DYNC1I1: variants seen among roughly 807,000 people sequenced by gnomAD.
DYNC1I1 encodes the protein cytoplasmic dynein 1 intermediate chain 1.
DYNC1I1 carries 43 observed loss-of-function variants against 86.6 expected under a neutral mutation model. That is an observed-to-expected ratio of 0.50 (90% confidence interval 0.39 to 0.64). The LOEUF (loss-of-function observed/expected upper bound fraction) is 0.64, where lower values mean the gene tolerates loss of function less well. DYNC1I1 is among the 30% of genes least tolerant of loss of function. The pLI is 0.00. For synonymous variants in DYNC1I1, 262 were observed against 283.7 expected, an observed-to-expected ratio of 0.92 and a Z score of 0.77; for missense variants, 604 against 788.8, an observed-to-expected ratio of 0.77 and a Z score of 2.81.
At position 95,948,621 on chromosome 7, in the gene DYNC1I1, A is replaced by C. The variant is rs565374338; in HGVS notation, c.491-28891A>C. On this transcript the variant is annotated intron_variant, in intron 6 of 16. Coordinates refer to ENST00000447467, the MANE Select transcript of DYNC1I1 (RefSeq NM_001135556.2). ...TGCTTCCAGGGCTGTACATAGGTAG[A>C]AATAATATCAAAGCTAACATTTATT... Among the ~76,000 whole-genome samples the C allele has an allele frequency of 5.3e-5, 8 of 152,334 alleles. 2 individuals are homozygous for C. The highest frequency in any genetic ancestry group is 1.9e-4 in the African/African-American group (8 of 41,570).
In DYNC1I1 at chr7:95,815,980, A is replaced by T. The variant is rs193284205; in HGVS notation, c.314+2643A>T. Among the ~76,000 whole-genome samples, 266 of 151,894 alleles carry T rather than the reference A, an allele frequency of 1.8e-3. 5 individuals are homozygous for T. The highest frequency in any genetic ancestry group is 3.4e-3 in the Middle Eastern group (1 of 294). On this transcript the variant is annotated intron_variant, in intron 4 of 16. Coordinates refer to ENST00000447467, the MANE Select transcript of DYNC1I1 (RefSeq NM_001135556.2). ...ATGTACTTTATTATAGAGAAGAAGT[A>T]AAAATAGTGCTTTAACAAAAATCCC...
chr7:95,977,740 A>C, intron 7 of DYNC1I1, 139 bp downstream of exon 7: 1 of 638,606 alleles, frequency 1.6e-6, no homozygotes, highest in South Asian at 3.2e-5. Context: ...TGTTCAATAC[A>C]TTACATTTAG....
chr7:95,824,941 C>CA (rs1282608742), intron 4 of DYNC1I1, among the ~76,000 whole-genome samples: 1 of 152,200 alleles, frequency 6.6e-6, no homozygotes, highest in African/African-American at 2.4e-5. Context: ...AAGTTCCTTT[C>CA]AAAAAATTTG....
chr7:95,983,945 G>A (rs1013238038), intron 7 of DYNC1I1, among the ~76,000 whole-genome samples: 10 of 152,170 alleles, frequency 6.6e-5, no homozygotes, highest in African/African-American at 2.2e-4. Context: ...TCAGCTGACA[G>A]TTTCTGCCCT....
chr7:96,023,333 A>T (rs1794598707), intron 10 of DYNC1I1, among the ~76,000 whole-genome samples: 1 of 152,214 alleles, frequency 6.6e-6, no homozygotes, highest in Admixed American at 6.5e-5. Flanking sequence ...CCACCCAGGC[A>T]TGATGGCTGG....
chr7:95,977,465 G>T, intron 6 of DYNC1I1, 47 bp from the exon 7 acceptor site: 1 of 1,582,024 alleles, frequency 6.3e-7, no homozygotes, highest in South Asian at 1.2e-5. Flanking sequence ...CAAAGACTTT[G>T]ATTTGGAGGA....
At chr7:95,993,883 G>A (rs888520109) in intron 9 of DYNC1I1, among the ~76,000 whole-genome samples, 3 of 152,042 alleles carry the variant, frequency 2.0e-5, no homozygotes, top group African/African-American at 4.8e-5. Flanking sequence ...AGAGTGATAC[G>A]GTCTGCCATA....
intron 6 of DYNC1I1, among the ~76,000 whole-genome samples, chr7:95,948,099 G>A (rs1792454744): frequency 6.6e-6 from 1 of 150,676 alleles, no homozygotes; most frequent in Non-Finnish European, 1.5e-5. Flanking sequence ...TAAGAATTTA[G>A]CAGAGGAAGG....
chr7:95,874,442 G>T (rs150108660), intron 6 of DYNC1I1, among the ~76,000 whole-genome samples: 1 of 151,752 alleles, frequency 6.6e-6, no homozygotes, highest in African/African-American at 2.4e-5. Context: ...ATTGACAAAA[G>T]AAAAAAAAGC....
intron 3 of DYNC1I1, 137 bp from the exon 4 acceptor site, chr7:95,813,110 T>TTTTA: frequency 2.1e-6 from 3 of 1,417,206 alleles, no homozygotes; most frequent in South Asian, 1.4e-5. Context: ...TTTTTTTTCT[T>TTTTA]TATCCCATCT....
chr7:95,886,093 C>G (rs1329126081), intron 6 of DYNC1I1, among the ~76,000 whole-genome samples: 1 of 152,086 alleles, frequency 6.6e-6, no homozygotes, highest in African/African-American at 2.4e-5. Context: ...CCTCTACAGT[C>G]TTCACTTCTA....
chr7:96,013,807 C>T (rs1794337110), intron 10 of DYNC1I1, among the ~76,000 whole-genome samples: 1 of 152,200 alleles, frequency 6.6e-6, no homozygotes, highest in South Asian at 2.1e-4. Flanking sequence ...GGCTGAGGCA[C>T]AAAGAACAAC....
chr7:95,906,278 GTTACTTAATCCCCTTGA>G (rs1283654306), intron 6 of DYNC1I1, among the ~76,000 whole-genome samples: 1 of 152,172 alleles, frequency 6.6e-6, no homozygotes, highest in Admixed American at 6.5e-5. Context: ...CCTTGGGCAA[GTTACTTAATCCCCTTGA>G]GCTACGGTTT....
chr7:95,790,500 T>C (rs1014899842), intron 1 of DYNC1I1, among the ~76,000 whole-genome samples: 2 of 152,190 alleles, frequency 1.3e-5, no homozygotes, highest in African/African-American at 4.8e-5. Context: ...ACCTACTTTT[T>C]GGAAACTTTC....
chr7:95,789,000 A>G (rs1794220280), intron 1 of DYNC1I1, among the ~76,000 whole-genome samples: 1 of 152,208 alleles, frequency 6.6e-6, no homozygotes, highest in African/African-American at 2.4e-5. Flanking sequence ...GCTAATGTAT[A>G]CATGCCTGCA....
intron 5 of DYNC1I1, among the ~76,000 whole-genome samples, chr7:95,862,364 A>T (rs895231446): frequency 6.8e-6 from 1 of 147,972 alleles, no homozygotes; most frequent in African/African-American, 2.5e-5. Context: ...TAAAAAAAAA[A>T]CAAATAACCC....
At chr7:95,980,389 C>T (rs188879639) in intron 7 of DYNC1I1, among the ~76,000 whole-genome samples, 2 of 151,816 alleles carry the variant, frequency 1.3e-5, no homozygotes, top group East Asian at 1.9e-4. Flanking sequence ...GCCATTCACA[C>T]GACTGCATAG....
At chr7:95,986,023 CGTGTGTGTGTGT>C (rs3138829) in intron 8 of DYNC1I1, among the ~76,000 whole-genome samples, 92 of 132,688 alleles carry the variant, frequency 6.9e-4, no homozygotes, top group Admixed American at 1.0e-3. Flanking sequence ...CCTGGCAGGA[CGTGTGTGTGTGT>C]GTGTGTGTGT....
intron 8 of DYNC1I1, among the ~76,000 whole-genome samples, chr7:95,986,719 T>A (rs1793604824): frequency 6.6e-6 from 1 of 151,964 alleles, no homozygotes; most frequent in Non-Finnish European, 1.5e-5. Context: ...AGATTTCTAA[T>A]AAGCCCTGCT....
Sources: allele counts gnomAD v4.1 joint callset (sites outside exome capture counted in the v4.1 genomes callset), GRCh38; gene constraint gnomAD v4.1.1; transcripts MANE v1.5; gene names NCBI Gene and HGNC (gene_info 2026-07-23, HGNC 2026-07-21).